The following DNAJC6 variants were observed in gnomAD, a reference collection of about 807,000 sequenced individuals.
DNAJC6 encodes auxilin.
In DNAJC6, 34 loss-of-function variants were observed where a neutral mutation model predicts 110.0. The ratio of observed to expected loss-of-function variants is 0.31; its 90% CI spans 0.24 to 0.41. DNAJC6 has a LOEUF of 0.41. Ranked by LOEUF, DNAJC6 falls within the 10% of genes least tolerant of loss-of-function variation. DNAJC6 has a pLI of 1.00. For missense variants in DNAJC6, 1,031 were observed against 1,207.8 expected (o/e 0.85, Z 2.17); for synonymous variants, 406 against 437.2 (o/e 0.93, Z 0.89).
chr1:65,401,984 C>G, intron 15 of DNAJC6, 104 bp downstream of exon 15: 1 of 1,474,722 alleles, frequency 6.8e-7, no homozygotes, highest in Non-Finnish European at 9.2e-7. Flanking sequence ...TCACCTGGAA[C>G]CTCAAATAGT....
intron 1 of DNAJC6, among the ~76,000 whole-genome samples, chr1:65,318,782 G>T (rs757474120): frequency 5.3e-5 from 8 of 152,156 alleles, no homozygotes; most frequent in Non-Finnish European, 7.3e-5. Context: ...TGATGGGTTG[G>T]TCTGTGCAGC....
At chr1:65,407,900 T>C (rs931215685) in intron 16 of DNAJC6, among the ~76,000 whole-genome samples, 1 of 152,248 alleles carries the variant, frequency 6.6e-6, no homozygotes, top group African/African-American at 2.4e-5. Flanking sequence ...TGGACTGTTA[T>C]GTTTTGGTTC....
intron 4 of DNAJC6, among the ~76,000 whole-genome samples, chr1:65,370,812 C>G (rs546518426): frequency 6.6e-6 from 1 of 152,148 alleles, no homozygotes; most frequent in South Asian, 2.1e-4. Flanking sequence ...TCTTAAAGGA[C>G]TCATGATTGA....
At chr1:65,356,146 G>A (rs1424062660) in intron 1 of DNAJC6, among the ~76,000 whole-genome samples, 2 of 151,824 alleles carry the variant, frequency 1.3e-5, no homozygotes, top group Non-Finnish European at 2.9e-5. Context: ...TGGCATAGGG[G>A]TTATTGATTT....
At chr1:65,320,943 C>T (rs1279006136) in intron 1 of DNAJC6, among the ~76,000 whole-genome samples, 2 of 151,314 alleles carry the variant, frequency 1.3e-5, no homozygotes, top group African/African-American at 4.9e-5. Flanking sequence ...GTTCTAGGTA[C>T]AGCAAATGCA....
chr1:65,290,969 G>A (rs1644869115), intron 1 of DNAJC6, among the ~76,000 whole-genome samples: 2 of 152,174 alleles, frequency 1.3e-5, no homozygotes. Flanking sequence ...TAAAAGTTCA[G>A]CAAAAACAAT....
chr1:65,275,033 C>T (rs1349200833), intron 1 of DNAJC6, among the ~76,000 whole-genome samples: 8 of 152,180 alleles, frequency 5.3e-5, no homozygotes, highest in Admixed American at 4.6e-4. Context: ...TCTCCCTCAC[C>T]TCACTTTCTG....
intron 11 of DNAJC6, among the ~76,000 whole-genome samples, chr1:65,391,460 G>A (rs904912572): frequency 1.4e-4 from 22 of 152,112 alleles, no homozygotes; most frequent in Admixed American, 3.9e-4. Flanking sequence ...TGCTCATTTT[G>A]TGCTGAAAGT....
In DNAJC6 at chr1:65,349,107, A is replaced by ATATGTAAATATATATATAAATAT. The variant is rs1557535041; in HGVS notation, c.194-15528_194-15527insTATGTAAATATATATATAAATAT. ...ATATATGTAAATATATATATAAATAAATATGTAAATATATATATATAAATA... is the reference window on the plus strand; with the variant it reads ...ATATATGTAAATATATATATAAATAATATGTAAATATATATATAAATATATATGTAAATATATATATATAAATA... On this transcript the variant is annotated intron_variant, in intron 1 of 18. Transcript: ENST00000371069. 4.4e-5 allele frequency among the ~76,000 whole-genome samples: 6 copies of ATATGTAAATATATATATAAATAT among 136,698 alleles called. No individual in the cohort carries two copies. The East Asian group carries it at 1.0e-3, about 23-fold the overall frequency. 89.7% of individuals were successfully genotyped at this position (136,698 alleles called of 152,430 possible).
chr1:65,292,098 C>G (rs1034317696), intron 1 of DNAJC6, among the ~76,000 whole-genome samples: 3 of 152,144 alleles, frequency 2.0e-5, no homozygotes, highest in Non-Finnish European at 2.9e-5. Context: ...CGCACTACAA[C>G]CTCTGCCTCC....
chr1:65,386,856 T>C lies in DNAJC6; in HGVS notation c.1040T>C (p.Ile347Thr). 9 of 1,614,146 alleles carry C rather than the reference T, an allele frequency of 5.6e-6. No individual in the cohort carries two copies. Among genetic ancestry groups the C allele is most frequent in the Non-Finnish European group, 7.6e-6 (9 of 1,180,012 alleles). The change falls in exon 8 of 19, where the codon ATC becomes ACC. Residue 347 changes from isoleucine (I) to threonine (T), a missense_variant. Ile to Thr is a moderately conservative substitution (Grantham distance 89, BLOSUM62 -1). Transcript: ENST00000371069. ...QDGKIFIPLN[I>T]TVQGDVVVSM... is the part of the protein sequence containing the mutation. Reference sequence around the variant, plus strand: ...GGAAAAATCTTCATTCCCTTGAACATCACTGTGCAAGGAGACGTGGTTGTT... The same window carrying C: ...GGAAAAATCTTCATTCCCTTGAACACCACTGTGCAAGGAGACGTGGTTGTT...
chr1:65,266,779 C>T (rs1570870), intron 1 of DNAJC6, among the ~76,000 whole-genome samples: 113,126 of 152,016 alleles, frequency 0.74, 42,893 homozygotes, highest in East Asian at 0.98. Context: ...AATTGGAGGC[C>T]CAGGTTAAGG....
At chr1:65,268,734 C>T (rs1401633298) in intron 1 of DNAJC6, among the ~76,000 whole-genome samples, 1 of 152,022 alleles carries the variant, frequency 6.6e-6, no homozygotes, top group East Asian at 1.9e-4. Flanking sequence ...ATTAACTTAC[C>T]TATATAAAAA....
At chr1:65,336,810 T>C (rs1266054124) in intron 1 of DNAJC6, among the ~76,000 whole-genome samples, 1 of 152,208 alleles carries the variant, frequency 6.6e-6, no homozygotes, top group African/African-American at 2.4e-5. Context: ...TCTCATCTCA[T>C]CCAGAATCTT....
chr1:65,389,120 CT>C, intron 9 of DNAJC6, 135 bp from the exon 10 acceptor site: 2 of 753,110 alleles, frequency 2.7e-6, no homozygotes, highest in Non-Finnish European at 4.2e-6. Flanking sequence ...AGTAACTTAT[CT>C]GGTTATGACT....
chr1:65,373,908 A>G (rs1027312055), intron 4 of DNAJC6, among the ~76,000 whole-genome samples: 2 of 151,990 alleles, frequency 1.3e-5, no homozygotes, highest in African/African-American at 4.8e-5. Context: ...GTCATTTTAT[A>G]TTTTTGGGTT....
At chr1:65,281,558 A>C (rs967478119) in intron 1 of DNAJC6, among the ~76,000 whole-genome samples, 1 of 151,974 alleles carries the variant, frequency 6.6e-6, no homozygotes, top group Admixed American at 6.6e-5. Flanking sequence ...TATAAAGTTG[A>C]TGCATGTTGT....
intron 15 of DNAJC6, among the ~76,000 whole-genome samples, chr1:65,405,236 CT>C (rs913039716): frequency 6.6e-6 from 1 of 152,150 alleles, no homozygotes; most frequent in African/African-American, 2.4e-5. Context: ...ATCCTTTGTC[CT>C]GTTTAAAGTT....
chr1:65,389,722 C>A, intron 11 of DNAJC6, 95 bp downstream of exon 11: 1 of 1,337,342 alleles, frequency 7.5e-7, no homozygotes, highest in Non-Finnish European at 1.1e-6. Context: ...ATTAAAGCAG[C>A]ACTTAGAGGT....
Sources: gnomAD v4.1 joint callset for allele counts (sites outside exome capture counted in the v4.1 genomes callset) on GRCh38, gnomAD v4.1.1 for gene constraint, MANE v1.5 for transcripts, NCBI Gene and HGNC (gene_info 2026-07-23, HGNC 2026-07-21) for gene names.